STARD13: variants seen among roughly 807,000 people sequenced by gnomAD.
STARD13 encodes stAR-related lipid transfer protein 13.
Under a neutral mutation model 106.4 loss-of-function variants are expected in STARD13, and 62 were observed. That is an observed-to-expected ratio of 0.58 (90% CI 0.48 to 0.72). The LOEUF (loss-of-function observed/expected upper bound fraction) is 0.72, where lower values mean the gene tolerates loss of function less well. Ranked by LOEUF, STARD13 falls within the 30% of genes least tolerant of loss-of-function variation. The probability of loss-of-function intolerance (pLI) is 0.00; values close to 1 mark genes in which losing one functional copy is unlikely to be tolerated. For synonymous variants in STARD13, 565 were observed against 553.0 expected, an observed-to-expected ratio of 1.02 and a Z score of -0.31; for missense variants, 1,387 against 1,424.0, an observed-to-expected ratio of 0.97 and a Z score of 0.42.
At chr13:33,621,362 A>G in the STARD13 span, among the ~76,000 whole-genome samples, 14 of 152,058 alleles carry the variant, frequency 9.2e-5, no homozygotes, top group Admixed American at 2.6e-4. Flanking sequence ...TGAAAAACTC[A>G]TCTTAATAAA....
chr13:33,676,505 T>G, the STARD13 span, among the ~76,000 whole-genome samples: 1 of 152,194 alleles, frequency 6.6e-6, no homozygotes, highest in African/African-American at 2.4e-5. Flanking sequence ...GTGAGTTTTT[T>G]CCTTTTAAGT....
the STARD13 span, among the ~76,000 whole-genome samples, chr13:33,659,035 C>T: frequency 2.1e-4 from 32 of 152,180 alleles, no homozygotes; most frequent in South Asian, 6.6e-3. Context: ...TTGCCCCCTT[C>T]CTCATATCCC....
the STARD13 span, among the ~76,000 whole-genome samples, chr13:33,480,878 A>G: frequency 1.3e-5 from 2 of 152,170 alleles, no homozygotes; most frequent in Non-Finnish European, 2.9e-5. Flanking sequence ...AGGTCTTATC[A>G]TATGTAAAAT....
intron 1 of STARD13, among the ~76,000 whole-genome samples, chr13:33,316,249 T>C (rs879793130): frequency 4.0e-5 from 6 of 151,614 alleles, no homozygotes; most frequent in African/African-American, 1.2e-4. Flanking sequence ...ATCAGAAATA[T>C]GCCTTCACTT....
Position 33,206,366 on chromosome 13 carries a change from A to AACACACACACACAC in STARD13, c.170-38758_170-38745dup, listed in dbSNP as rs59306930. Among the ~76,000 whole-genome samples, 523 of 149,570 alleles carry AACACACACACACAC rather than the reference A, an allele frequency of 3.5e-3. 4 individuals carry two copies. Among genetic ancestry groups the AACACACACACACAC allele is most frequent in the Non-Finnish European group, 6.0e-3 (407 of 67,294 alleles). On this transcript the variant is annotated intron_variant, in intron 1 of 13. Transcript: ENST00000336934. ...CTCGAAAGAAGATGCCCATGACTGA[A>AACACACACACACAC]ACACACACACACACACACACACACA...
At position 33,315,054 on chromosome 13, in the gene STARD13, T is replaced by G. The variant is rs1377708137; in HGVS notation, c.124+35236A>C. 2.0e-5 allele frequency among the ~76,000 whole-genome samples: 3 copies of G among 152,196 alleles called. No individual in the cohort carries two copies. The East Asian group carries it at 5.8e-4, about 29-fold the overall frequency. ...CATAAGATCTGGATGATGTGTGTCC[T>G]CTGTAACATCCTTGGAGAGAAATAA... On this transcript the variant is annotated intron_variant, in intron 1 of 5. Transcript: ENST00000567873.
chr13:33,664,531 A>ATCTCACAGATT, the STARD13 span, among the ~76,000 whole-genome samples: 33,224 of 152,006 alleles, frequency 0.22, 7,057 homozygotes, highest in African/African-American at 0.53. Context: ...CCTTGAAGAA[A>ATCTCACAGATT]TCGATTTCAC....
downstream of STARD13, among the ~76,000 whole-genome samples, chr13:33,343,899 T>C (rs1213661198): frequency 6.6e-6 from 1 of 152,082 alleles, no homozygotes; most frequent in Non-Finnish European, 1.5e-5. Context: ...ACTTCTGACA[T>C]CCACTCTTAC....
chr13:33,283,070 A>G (rs1387138487), intron 1 of STARD13, among the ~76,000 whole-genome samples: 1 of 152,140 alleles, frequency 6.6e-6, no homozygotes, highest in Non-Finnish European at 1.5e-5. Flanking sequence ...AAATAACTTG[A>G]CATCCTGTGT....
chr13:33,555,711 C>T, the STARD13 span, among the ~76,000 whole-genome samples: 1 of 152,052 alleles, frequency 6.6e-6, no homozygotes, highest in Non-Finnish European at 1.5e-5. Context: ...GTTAAGTGAA[C>T]CTAGAAAAGT....
At chr13:33,274,007 G>A (rs765051153) in intron 1 of STARD13, 7 of 151,808 alleles carry the variant, frequency 4.6e-5, no homozygotes, top group Non-Finnish European at 1.0e-4. Flanking sequence ...TCAAGGGAGG[G>A]CTGTTGAGTA....
the STARD13 span, among the ~76,000 whole-genome samples, chr13:33,619,551 A>C: frequency 1.6e-4 from 24 of 152,218 alleles, no homozygotes; most frequent in African/African-American, 5.8e-4. Flanking sequence ...TGTAATTCTT[A>C]GAACATCCAC....
At chr13:33,124,742 G>A (rs929388494) in intron 7 of STARD13, among the ~76,000 whole-genome samples, 1 of 152,104 alleles carries the variant, frequency 6.6e-6, no homozygotes, top group African/African-American at 2.4e-5. Context: ...GTTTGCTTAA[G>A]TAACGAGATT....
intron 3 of STARD13, 89 bp from the exon 4 acceptor site, chr13:33,142,462 T>A: frequency 8.3e-7 from 1 of 1,202,848 alleles, no homozygotes; most frequent in Non-Finnish European, 1.2e-6. Context: ...CCAGTAAAGT[T>A]GAAACTGCAG....
intron 7 of STARD13, among the ~76,000 whole-genome samples, chr13:33,123,515 C>T (rs575919490): frequency 1.4e-4 from 22 of 152,188 alleles, no homozygotes; most frequent in Non-Finnish European, 2.8e-4. Flanking sequence ...ACTTCATATT[C>T]ATCAGGAATA....
chr13:33,521,724 C>T, the STARD13 span, among the ~76,000 whole-genome samples: 2 of 151,866 alleles, frequency 1.3e-5, no homozygotes, highest in Non-Finnish European at 2.9e-5. Flanking sequence ...GTGAACGGAC[C>T]GGAAAATTAA....
intron 1 of STARD13, among the ~76,000 whole-genome samples, chr13:33,184,592 A>T (rs556758437): frequency 3.9e-5 from 6 of 152,192 alleles, no homozygotes; most frequent in Non-Finnish European, 8.8e-5. Context: ...TTACATCTCA[A>T]AGCCTCAGTT....
the STARD13 span, chr13:33,439,571 T>C: frequency 4.6e-6 from 2 of 430,158 alleles, no homozygotes; most frequent in East Asian, 7.5e-5. Context: ...ACTGTATCCA[T>C]CAACTTTGCA....
At chr13:33,167,707 G>T in intron 1 of STARD13, 85 bp from the exon 2 acceptor site, 1 of 1,390,226 alleles carries the variant, frequency 7.2e-7, no homozygotes, top group Non-Finnish European at 1.0e-6. Flanking sequence ...ACACTGGTGA[G>T]CTTTGTGCAA....
Sources: gnomAD v4.1 joint callset for allele counts (sites outside exome capture counted in the v4.1 genomes callset) on GRCh38, gnomAD v4.1.1 for gene constraint, MANE v1.5 for transcripts, NCBI Gene and HGNC (gene_info 2026-07-23, HGNC 2026-07-21) for gene names.